CLIC6: variants seen among roughly 807,000 people sequenced by gnomAD.
CLIC6 encodes the protein chloride intracellular channel protein 6.
Under a neutral mutation model 49.2 loss-of-function variants are expected in CLIC6, and 39 were observed. The ratio of observed to expected loss-of-function variants is 0.79; its 90% CI spans 0.61 to 1.04. The LOEUF (loss-of-function observed/expected upper bound fraction) is 1.04. Among genes scored for constraint, CLIC6 ranks in the 50% least tolerant of loss-of-function variants. The pLI is 0.00. For missense variants in CLIC6, 988 were observed against 993.1 expected (o/e 0.99, Z 0.07); for synonymous variants, 446 against 433.4 (o/e 1.03, Z -0.36).
chr21:34,686,694 G>C (rs185543189), intron 1 of CLIC6, among the ~76,000 whole-genome samples: 2 of 152,230 alleles, frequency 1.3e-5, no homozygotes, highest in African/African-American at 4.8e-5. Context: ...GCTACCTGTG[G>C]GTGCTCCATT....
chr21:34,669,344 C>T lies in CLIC6; in HGVS notation c.-45C>T, dbSNP rs753633319. On this transcript the variant is annotated 5_prime_UTR_variant, in exon 1 of 6. Transcript: ENST00000349499. ...TTGCCCAGCGCCACCGACCCTTAAG[C>T]AGCGTCAAGGAAGGAGTCCCGATCA... The T allele has an allele frequency of 2.4e-6, 3 of 1,227,298 alleles. No homozygotes were observed. The highest frequency in any genetic ancestry group is 6.3e-5 in the East Asian group (2 of 31,760). The allele number at this position is 1,227,298 out of a possible 1,614,324, so 76.0% of individuals were successfully genotyped here. A position where few individuals can be genotyped will look rare whatever the true frequency, so the allele number is the denominator to read the frequency against.
intron 1 of CLIC6, among the ~76,000 whole-genome samples, chr21:34,676,018 TG>T (rs10709221): frequency 1 from 152,366 of 152,366 alleles, 76,183 homozygotes; most frequent in Non-Finnish European, 1. Context: ...ACAGGCCATG[TG>T]GCTTCATGAG....
intron 1 of CLIC6, among the ~76,000 whole-genome samples, chr21:34,686,737 A>G (rs1280165335): frequency 1.3e-5 from 2 of 152,184 alleles, no homozygotes; most frequent in East Asian, 1.9e-4. Context: ...CCTTCCAGCC[A>G]TCTATGCAAG....
chr21:34,683,430 T>G (rs188049880), intron 1 of CLIC6, among the ~76,000 whole-genome samples: 1 of 152,340 alleles, frequency 6.6e-6, no homozygotes, highest in East Asian at 1.9e-4. Context: ...TGCTCCAGTC[T>G]GTTGAAAGAA....
intron 1 of CLIC6, among the ~76,000 whole-genome samples, chr21:34,691,933 T>C (rs1157774037): frequency 6.6e-6 from 1 of 152,256 alleles, no homozygotes; most frequent in African/African-American, 2.4e-5. Context: ...AATTTAGCAA[T>C]CCAAATCTTC....
chr21:34,685,916 T>C (rs1322164666), intron 1 of CLIC6, among the ~76,000 whole-genome samples: 7 of 152,246 alleles, frequency 4.6e-5, no homozygotes, highest in Admixed American at 4.6e-4. Context: ...TAAGGTTTTC[T>C]TAACCCATTT....
In CLIC6 at chr21:34,716,584, T is replaced by TA. The variant is rs1169106834; in HGVS notation, c.*108dup. ...GTTTGGGTTCAATTCCTTCAATTTTTAAAAAACTGGTCTCTGAGAGTTTTT... is the reference window on the plus strand; with the variant it reads ...GTTTGGGTTCAATTCCTTCAATTTTTAAAAAAACTGGTCTCTGAGAGTTTTT... On this transcript the variant is annotated 3_prime_UTR_variant, in exon 6 of 6. Transcript: ENST00000349499. 9 of 884,600 alleles carry TA rather than the reference T, an allele frequency of 1.0e-5. No individual in the cohort carries two copies. The Admixed American group carries it at 1.6e-4, about 15-fold the overall frequency. 54.8% of individuals were successfully genotyped at this position (884,600 alleles called of 1,614,324 possible). A position where few individuals can be genotyped will look rare whatever the true frequency, so the allele number is the denominator to read the frequency against.
chr21:34,699,018 A>C (rs1447201233), intron 1 of CLIC6, among the ~76,000 whole-genome samples: 2 of 152,188 alleles, frequency 1.3e-5, no homozygotes, highest in Non-Finnish European at 2.9e-5. Flanking sequence ...CATTGAGTGG[A>C]GAGAGGAGAG....
chr21:34,709,039 C>A (rs1479500660), intron 4 of CLIC6, among the ~76,000 whole-genome samples: 1 of 152,196 alleles, frequency 6.6e-6, no homozygotes, highest in Non-Finnish European at 1.5e-5. Context: ...AGTCATCACC[C>A]AGGTGTTCCG....
At chr21:34,676,303 G>C (rs1409216461) in intron 1 of CLIC6, among the ~76,000 whole-genome samples, 1 of 152,068 alleles carries the variant, frequency 6.6e-6, no homozygotes, top group Admixed American at 6.5e-5. Flanking sequence ...GGCTCAGAGG[G>C]ATCCTCATGC....
Position 34,716,382 on chromosome 21 carries a change from A to T in CLIC6, c.1961A>T (p.Tyr654Phe), listed in dbSNP as rs745738330. The T allele has an allele frequency of 6.2e-7, 1 of 1,613,876 alleles. No homozygotes were observed. ...FPSEMTGIWR[Y>F]LNNAYARDEF... Reference sequence around the variant, plus strand: ...TCTGAAATGACTGGCATCTGGAGATACTTGAATAATGCTTATGCTAGAGAT... The same window carrying T: ...TCTGAAATGACTGGCATCTGGAGATTCTTGAATAATGCTTATGCTAGAGAT... Residue 654 changes from tyrosine (Y) to phenylalanine (F), a missense_variant, in exon 6 of 6, where the codon TAC (tyrosine) becomes TTC (phenylalanine). This residue lies in a region of CLIC6 where 647 missense variants were observed against 596.9 expected (regional missense o/e 1.08). Transcript: ENST00000349499.
intron 1 of CLIC6, among the ~76,000 whole-genome samples, chr21:34,681,658 G>T (rs1051036254): frequency 3.9e-5 from 6 of 152,160 alleles, no homozygotes; most frequent in African/African-American, 1.4e-4. Context: ...GACTTCTTTA[G>T]TGTCCCCACA....
chr21:34,712,228 G>A (rs2056061662), intron 5 of CLIC6, among the ~76,000 whole-genome samples: 1 of 152,196 alleles, frequency 6.6e-6, no homozygotes. Flanking sequence ...AAGGAAATGA[G>A]AATCAATCTA....
chr21:34,680,898 A>C (rs1989766121), intron 1 of CLIC6, among the ~76,000 whole-genome samples: 1 of 152,190 alleles, frequency 6.6e-6, no homozygotes, highest in Admixed American at 6.5e-5. Context: ...ATCTCTAGGA[A>C]GTTCCAAACT....
rs932419216 is a variant in CLIC6, at chr21:34,688,411, C to T, written c.1374+17649C>T. Among the ~76,000 whole-genome samples the T allele has an allele frequency of 2.0e-5, 3 of 152,206 alleles. No homozygotes were observed. The East Asian group carries it at 5.8e-4, about 29-fold the overall frequency. ...AAAAGACGGAGAACGACGGTTCACC[C>T]GGGTGGTCTCCTCTGCGGCTGGCGT... On this transcript the variant is annotated intron_variant, in intron 1 of 5. Transcript: ENST00000349499.
intron 1 of CLIC6, among the ~76,000 whole-genome samples, chr21:34,698,400 A>G (rs1990127579): frequency 6.7e-6 from 1 of 149,912 alleles, no homozygotes; most frequent in Non-Finnish European, 1.5e-5. Context: ...AAGAGACAAA[A>G]GGAATGAAGG....
chr21:34,707,802 C>A (rs1180045583), intron 2 of CLIC6, 142 bp from the exon 3 acceptor site: 3 of 831,816 alleles, frequency 3.6e-6, no homozygotes, highest in African/African-American at 1.7e-5. Flanking sequence ...TCATCGCCAG[C>A]AAGACATTTT....
At position 34,669,450 on chromosome 21, in the gene CLIC6, C is replaced by CG; in HGVS notation, c.62_63insG (p.Ala22ArgfsTer5). On this transcript the variant is annotated frameshift_variant, in exon 1 of 6. Coordinates refer to ENST00000349499, the MANE Select transcript of CLIC6 (RefSeq NM_053277.3). LOFTEE classifies it high-confidence loss of function. ...GGTCCCCAGGGGCCGCCGGAGGTCC[C>CG]CGCGCCTCTGGCTGAGAGACCCGGA... The CG allele has an allele frequency of 8.1e-7, 1 of 1,233,872 alleles. No individual in the cohort carries two copies. Among genetic ancestry groups the CG allele is most frequent in the Non-Finnish European group, 1.0e-6 (1 of 989,334 alleles). The allele number at this position is 1,233,872 out of a possible 1,614,324, so 76.4% of individuals were successfully genotyped here.
chr21:34,669,872 G>A lies in CLIC6; in HGVS notation c.484G>A (p.Ala162Thr). 2 of 1,332,570 alleles carry A rather than the reference G, an allele frequency of 1.5e-6. No individual in the cohort carries two copies. Among genetic ancestry groups the A allele is most frequent in the East Asian group, 3.7e-5 (1 of 27,304 alleles). The allele number at this position is 1,332,570 out of a possible 1,614,324, so 82.5% of individuals were successfully genotyped here. Residue 162 changes from alanine to threonine, a missense_variant, in exon 1 of 6, where the codon GCG (alanine) becomes ACG (threonine). Transcript: ENST00000349499. ...ASGEAGDSVD[A>T]EGPLGDNIEA... Reference sequence around the variant, plus strand: ...CGGGGAGGCGGGGGACAGCGTAGACGCGGAGGGCCCGCTGGGGGACAACAT... The same window carrying A: ...CGGGGAGGCGGGGGACAGCGTAGACACGGAGGGCCCGCTGGGGGACAACAT...
Sources: gnomAD v4.1 joint callset for allele counts (sites outside exome capture counted in the v4.1 genomes callset) on GRCh38, gnomAD v4.1.1 for gene constraint, gnomAD v4.1.1 regional missense constraint, MANE v1.5 for transcripts, NCBI Gene and HGNC (gene_info 2026-07-23, HGNC 2026-07-21) for gene names.